PALS1: variants seen among roughly 807,000 people sequenced by gnomAD.
The protein encoded by PALS1 is protein associated with LIN7 1, MAGUK p55 family member.
PALS1 carries 31 observed loss-of-function variants against 78.9 expected under a neutral mutation model. The ratio of observed to expected loss-of-function variants is 0.39; its 90% CI spans 0.30 to 0.53. The LOEUF is 0.53. Among genes scored for constraint, PALS1 ranks in the 20% least tolerant of loss-of-function variants. PALS1 has a pLI of 0.67. For missense variants in PALS1, 704 were observed against 826.5 expected (o/e 0.85, Z 1.82); for synonymous variants, 276 against 270.9 (o/e 1.02, Z -0.18).
chr14:67,306,061 C>T (rs1353917699), intron 8 of PALS1, among the ~76,000 whole-genome samples: 1 of 152,144 alleles, frequency 6.6e-6, no homozygotes, highest in African/African-American at 2.4e-5. Context: ...CCTCCGCCTC[C>T]CAGAGTCAAG....
At chr14:67,296,644 A>G (rs1237583028) in intron 4 of PALS1, among the ~76,000 whole-genome samples, 1 of 151,752 alleles carries the variant, frequency 6.6e-6, no homozygotes. Context: ...GGCCATTAAT[A>G]AATTTAAATT....
At chr14:67,302,608 T>C in intron 7 of PALS1, 37 bp downstream of exon 7, 1 of 1,387,352 alleles carries the variant, frequency 7.2e-7, no homozygotes, top group Non-Finnish European at 9.5e-7. Flanking sequence ...TTGATAGCTT[T>C]TAGAAAGCTC....
chr14:67,315,685 G>A (rs1028871872), intron 9 of PALS1, among the ~76,000 whole-genome samples: 3 of 152,162 alleles, frequency 2.0e-5, no homozygotes, highest in African/African-American at 7.2e-5. Context: ...TGGCACTTTG[G>A]GAGGCCAAGC....
chr14:67,331,223 T>G (rs1014128290), intron 14 of PALS1, among the ~76,000 whole-genome samples: 2 of 152,234 alleles, frequency 1.3e-5, no homozygotes, highest in Admixed American at 1.3e-4. Flanking sequence ...TTTTGTATTT[T>G]TAATAGAGAC....
intron 4 of PALS1, among the ~76,000 whole-genome samples, chr14:67,300,586 C>A (rs2084917994): frequency 6.6e-6 from 1 of 151,956 alleles, no homozygotes; most frequent in Admixed American, 6.6e-5. Flanking sequence ...CTTTGGCTTC[C>A]CAAAGTGCTG....
chr14:67,270,031 A>G (rs1289926682), intron 2 of PALS1: 3 of 152,158 alleles, frequency 2.0e-5, no homozygotes, highest in East Asian at 1.9e-4. Context: ...TATCTCTTCT[A>G]TTTTACTCTG....
In PALS1 at chr14:67,302,314, T is replaced by C; in HGVS notation, c.802-96T>C. ...ATTTTTTCTTAAGATAACTGAAGGTTAGTATTGTTGAATGGAAAAAATAGA... is the reference window on the plus strand; with the variant it reads ...ATTTTTTCTTAAGATAACTGAAGGTCAGTATTGTTGAATGGAAAAAATAGA... On this transcript the variant is annotated intron_variant, in intron 6 of 14. Coordinates refer to ENST00000261681, the MANE Select transcript of PALS1 (RefSeq NM_022474.4). 4.6e-6 allele frequency: 5 copies of C among 1,098,020 alleles called. No homozygotes were observed. The South Asian group carries it at 1.3e-4, about 29-fold the overall frequency. The allele number at this position is 1,098,020 out of a possible 1,614,324, so 68.0% of individuals were successfully genotyped here.
intron 1 of PALS1, among the ~76,000 whole-genome samples, chr14:67,269,079 T>A (rs936986159): frequency 6.6e-6 from 1 of 152,222 alleles, no homozygotes; most frequent in African/African-American, 2.4e-5. Flanking sequence ...TTTGTCTCTC[T>A]ATATTTGCCT....
intron 11 of PALS1, among the ~76,000 whole-genome samples, chr14:67,319,657 GA>G (rs1464470144): frequency 2.0e-5 from 3 of 150,472 alleles, no homozygotes; most frequent in African/African-American, 7.3e-5. Flanking sequence ...AGTGTTTTAA[GA>G]AAGTTTACAA....
intron 4 of PALS1, among the ~76,000 whole-genome samples, chr14:67,300,336 C>CTTTTTTTTTTTTTTT (rs36091817): frequency 0.024 from 3,309 of 138,178 alleles, 103 homozygotes; most frequent in Non-Finnish European, 0.028. Flanking sequence ...TATGAATTAC[C>CTTTTTTTTTTTTTTT]TTTTTTTTTT....
chr14:67,259,880 GAAAAAA>G (rs33951454), intron 1 of PALS1, among the ~76,000 whole-genome samples: 1 of 111,946 alleles, frequency 8.9e-6, no homozygotes, highest in Non-Finnish European at 2.1e-5. Flanking sequence ...CTCCATCTAA[GAAAAAA>G]AAAAAAAAAA....
chr14:67,329,633 T>C (rs1431275985), intron 14 of PALS1, among the ~76,000 whole-genome samples: 2 of 152,052 alleles, frequency 1.3e-5, no homozygotes, highest in Non-Finnish European at 2.9e-5. Flanking sequence ...ATAGCTCTTA[T>C]TATTTTGAGA....
chr14:67,245,599 G>C (rs975555040), intron 1 of PALS1, among the ~76,000 whole-genome samples: 4 of 151,908 alleles, frequency 2.6e-5, no homozygotes, highest in African/African-American at 9.7e-5. Context: ...TGATTCTCCT[G>C]CCTCAGCCTC....
intron 4 of PALS1, among the ~76,000 whole-genome samples, chr14:67,295,461 G>T (rs1311592654): frequency 6.6e-6 from 1 of 150,678 alleles, no homozygotes; most frequent in South Asian, 2.1e-4. Flanking sequence ...CTGCATTCCA[G>T]TCTGGGCGAC....
intron 12 of PALS1, 134 bp downstream of exon 12, chr14:67,320,531 G>C (rs755131096): frequency 8.9e-5 from 71 of 794,560 alleles, no homozygotes; most frequent in Non-Finnish European, 1.2e-4. Flanking sequence ...TTTAACCAAA[G>C]ATTTTGACAA....
chr14:67,249,991 GAA>G lies in PALS1; in HGVS notation c.-237+8460_-237+8461del, dbSNP rs1270398629. On this transcript the variant is annotated intron_variant, in intron 1 of 14. Coordinates refer to ENST00000261681, the MANE Select transcript of PALS1 (RefSeq NM_022474.4). ...TGTTTGAAATGTAAGTAACGCTTCG[GAA>G]AGTCTTTTTTTCTGAGTTTCTATCA... Among the ~76,000 whole-genome samples the G allele has an allele frequency of 2.6e-5, 4 of 152,280 alleles. No homozygotes were observed. In the East Asian group the frequency reaches 7.7e-4, roughly 29 times the overall value.
At chr14:67,325,086 T>C (rs763738017) in intron 14 of PALS1, among the ~76,000 whole-genome samples, 8 of 151,872 alleles carry the variant, frequency 5.3e-5, no homozygotes, top group Non-Finnish European at 1.0e-4. Context: ...TTTGTATTTT[T>C]AGTAGAGACA....
intron 8 of PALS1, chr14:67,304,175 T>G (rs1395666196): frequency 2.0e-5 from 3 of 152,616 alleles, no homozygotes; most frequent in African/African-American, 7.2e-5. Flanking sequence ...GGGCAAGTGC[T>G]TTTTAAAAAG....
rs556209572 is a variant in PALS1 at position 67,327,653 on chromosome 14, C to A, written c.1851+3841C>A. Among the ~76,000 whole-genome samples, 521 of 152,074 alleles carry A rather than the reference C, an allele frequency of 3.4e-3. 2 individuals carry two copies. Among genetic ancestry groups the A allele is most frequent in the Middle Eastern group, 6.8e-3 (2 of 294 alleles). On this transcript the variant is annotated intron_variant, in intron 14 of 14. Coordinates refer to ENST00000261681, the MANE Select transcript of PALS1 (RefSeq NM_022474.4). ...ATCCCTCCCCTCTCCCCCCACCCCA[C>A]AACAGGCCCCAGTGTGTGATGTTCC...
Sources: allele counts gnomAD v4.1 joint callset (sites outside exome capture counted in the v4.1 genomes callset), GRCh38; gene constraint gnomAD v4.1.1; transcripts MANE v1.5; gene names NCBI Gene and HGNC (gene_info 2026-07-23, HGNC 2026-07-21).